Variants in DPP10 observed in about 807,000 individuals in gnomAD.
The protein encoded by DPP10 is inactive dipeptidyl peptidase 10.
In DPP10, 33 loss-of-function variants were observed where a neutral mutation model predicts 120.9. The ratio of observed to expected loss-of-function variants is 0.27; its 90% CI spans 0.21 to 0.37. DPP10 has a LOEUF of 0.37. Among genes scored for constraint, DPP10 ranks in the 10% least tolerant of loss-of-function variants. The probability of loss-of-function intolerance (pLI) is 1.00; values close to 1 mark genes in which losing one functional copy is unlikely to be tolerated. For missense variants in DPP10, 816 were observed against 942.8 expected (o/e 0.87, Z 1.76); for synonymous variants, 337 against 326.1 (o/e 1.03, Z -0.36).
intron 1 of DPP10, among the ~76,000 whole-genome samples, chr2:114,908,611 A>G (rs1158505320): frequency 6.6e-6 from 1 of 151,832 alleles, no homozygotes; most frequent in South Asian, 2.1e-4. Context: ...TGAATATTTT[A>G]TCATCAATTA....
intron 1 of DPP10, among the ~76,000 whole-genome samples, chr2:114,686,623 C>T (rs912308027): frequency 4.0e-5 from 6 of 151,886 alleles, no homozygotes; most frequent in African/African-American, 9.6e-5. Context: ...TCTGAATGGC[C>T]GAGCTTAAGT....
chr2:114,487,866 G>C (rs1004906873), intron 1 of DPP10, among the ~76,000 whole-genome samples: 1 of 152,170 alleles, frequency 6.6e-6, no homozygotes, highest in African/African-American at 2.4e-5. Context: ...GCAATCGGAA[G>C]TGATTTCTAG....
chr2:115,006,220 T>TGC (rs1701829757), intron 1 of DPP10, among the ~76,000 whole-genome samples: 1 of 151,618 alleles, frequency 6.6e-6, no homozygotes, highest in African/African-American at 2.4e-5. Context: ...GAAGGAAGCA[T>TGC]TAAACATGGA....
intron 5 of DPP10, among the ~76,000 whole-genome samples, chr2:115,533,220 T>A (rs910259962): frequency 1.3e-5 from 2 of 152,090 alleles, no homozygotes; most frequent in African/African-American, 2.4e-5. Context: ...CTATACATAA[T>A]GGGACATAAA....
At chr2:114,996,501 G>A (rs978903667) in intron 1 of DPP10, among the ~76,000 whole-genome samples, 8 of 152,076 alleles carry the variant, frequency 5.3e-5, no homozygotes, top group African/African-American at 1.9e-4. Flanking sequence ...ACATACTGAA[G>A]ACAAGTTTTA....
Position 115,768,367 on chromosome 2 carries a change from G to A in DPP10, c.1184G>A (p.Arg395His), listed in dbSNP as rs1344279352. ...FMTVPVKQGGRGEFHHVAMFL... is the reference protein window; with the variant it reads ...FMTVPVKQGGHGEFHHVAMFL... Reference sequence around the variant, plus strand: ...ACAGTGCCTGTTAAGCAAGGGGGACGTGGAGAATTTCACCACGTAGCTATG... The same window carrying A: ...ACAGTGCCTGTTAAGCAAGGGGGACATGGAGAATTTCACCACGTAGCTATG... Residue 395 changes from arginine to histidine, a missense_variant, in exon 13 of 26, where the codon CGT becomes CAT. Transcript: ENST00000410059. 9.9e-6 allele frequency: 16 copies of A among 1,613,450 alleles called. No homozygotes were observed. The highest frequency in any genetic ancestry group is 6.7e-5 in the Admixed American group (4 of 59,952).
chr2:114,571,670 CAATT>C (rs1204747308), intron 1 of DPP10, among the ~76,000 whole-genome samples: 1 of 151,894 alleles, frequency 6.6e-6, no homozygotes, highest in Non-Finnish European at 1.5e-5. Flanking sequence ...AAAATTCTGA[CAATT>C]AATTGAATTG....
chr2:115,236,169 A>G (rs1191085658), intron 1 of DPP10, among the ~76,000 whole-genome samples: 2 of 152,230 alleles, frequency 1.3e-5, no homozygotes, highest in African/African-American at 2.4e-5. Flanking sequence ...TATGCTATAC[A>G]TTGTCACTAA....
intron 1 of DPP10, among the ~76,000 whole-genome samples, chr2:114,528,721 A>G (rs1685713415): frequency 6.6e-6 from 1 of 151,426 alleles, no homozygotes; most frequent in South Asian, 2.1e-4. Context: ...TCACATCTCA[A>G]CATCACCACA....
intron 1 of DPP10, among the ~76,000 whole-genome samples, chr2:114,509,169 CTG>C (rs1363443009): frequency 6.6e-6 from 1 of 152,190 alleles, no homozygotes; most frequent in African/African-American, 2.4e-5. Context: ...CCTTTAAACT[CTG>C]TGGTTTTGCC....
At chr2:114,753,781 C>T (rs993554069) in intron 1 of DPP10, among the ~76,000 whole-genome samples, 3 of 151,388 alleles carry the variant, frequency 2.0e-5, no homozygotes, top group Non-Finnish European at 4.4e-5. Context: ...TGGTGGCGGG[C>T]GACTGTACTC....
At chr2:114,603,366 T>G (rs1692531476) in intron 1 of DPP10, among the ~76,000 whole-genome samples, 1 of 152,120 alleles carries the variant, frequency 6.6e-6, no homozygotes, top group South Asian at 2.1e-4. Context: ...CAACTCATGA[T>G]TCACCATCTA....
Position 114,825,183 on chromosome 2 carries a change from C to G in DPP10, c.60+382345C>G, listed in dbSNP as rs1686421755. Among the ~76,000 whole-genome samples, 3 of 152,198 alleles carry G rather than the reference C, an allele frequency of 2.0e-5. No individual in the cohort carries two copies. The South Asian group carries it at 6.2e-4, about 32-fold the overall frequency. On this transcript the variant is annotated intron_variant, in intron 1 of 25. Coordinates refer to ENST00000410059, the MANE Select transcript of DPP10 (RefSeq NM_020868.6). ...ATCAATCAGGGATCTTCCCTGTAGG[C>G]TCCGAGAGTGACTATATATTTCTCC...
At chr2:115,836,947 C>T (rs560338400) in intron 24 of DPP10, among the ~76,000 whole-genome samples, 6 of 152,248 alleles carry the variant, frequency 3.9e-5, no homozygotes, top group African/African-American at 9.6e-5. Context: ...CAAATGGCAG[C>T]GTTGTCCAAT....
intron 5 of DPP10, among the ~76,000 whole-genome samples, chr2:115,686,654 T>C (rs1008475254): frequency 6.6e-6 from 1 of 152,028 alleles, no homozygotes; most frequent in Non-Finnish European, 1.5e-5. Flanking sequence ...ACATGATCTT[T>C]TGATGTTTTC....
At chr2:114,477,574 T>G (rs1047571072) in intron 1 of DPP10, among the ~76,000 whole-genome samples, 3 of 150,752 alleles carry the variant, frequency 2.0e-5, no homozygotes, top group Non-Finnish European at 4.4e-5. Context: ...TCATTTGAGG[T>G]CAGGAGTTCA....
intron 5 of DPP10, among the ~76,000 whole-genome samples, chr2:115,641,756 A>G (rs1420890821): frequency 6.6e-6 from 1 of 150,690 alleles, no homozygotes; most frequent in African/African-American, 2.5e-5. Context: ...AATGGAAGGA[A>G]TTCAATTATA....
At chr2:114,557,805 T>G (rs1000747871) in intron 1 of DPP10, among the ~76,000 whole-genome samples, 1 of 152,222 alleles carries the variant, frequency 6.6e-6, no homozygotes, top group African/African-American at 2.4e-5. Context: ...ATTGATGTAT[T>G]TGGGGCTCAT....
chr2:115,730,615 TC>T (rs1160300827), intron 8 of DPP10, among the ~76,000 whole-genome samples: 4 of 152,190 alleles, frequency 2.6e-5, no homozygotes, highest in Non-Finnish European at 5.9e-5. Context: ...TGAAAAGGCT[TC>T]ATACATTTAT....
Sources: gnomAD v4.1 joint callset for allele counts (sites outside exome capture counted in the v4.1 genomes callset) on GRCh38, gnomAD v4.1.1 for gene constraint, MANE v1.5 for transcripts, NCBI Gene and HGNC (gene_info 2026-07-23, HGNC 2026-07-21) for gene names.